The following LIPG variants were observed in gnomAD, a reference collection of about 807,000 sequenced individuals.
LIPG encodes the protein lipase G, endothelial type, also known as endothelial lipase.
A neutral mutation model predicts 51.8 loss-of-function variants in LIPG; 34 were observed. The observed-to-expected ratio is 0.66, with a 90% CI of 0.50 to 0.87. The LOEUF is 0.87. Ranked by LOEUF, LIPG falls within the 40% of genes least tolerant of loss-of-function variation. The pLI is 0.00. For synonymous variants in LIPG, 246 were observed against 246.1 expected (o/e 1.00, Z 0.00); for missense variants, 580 against 652.7 (o/e 0.89, Z 1.21).
At chr18:49,569,611 T>A in intron 4 of LIPG, 63 bp downstream of exon 4, 1 of 1,296,224 alleles carries the variant, frequency 7.7e-7, no homozygotes, top group Non-Finnish European at 1.1e-6. Context: ...TGCTCCCAAA[T>A]GAGGCAGCAG....
chr18:49,561,912 T>G (rs2084553643), upstream of LIPG: 1 of 1,332,040 alleles, frequency 7.5e-7, no homozygotes, highest in African/African-American at 1.5e-5. Flanking sequence ...GCGCTTTCAT[T>G]CAAACTTTCT....
intron 2 of LIPG, among the ~76,000 whole-genome samples, chr18:49,566,339 A>G (rs1332446248): frequency 6.6e-6 from 1 of 152,178 alleles, no homozygotes; most frequent in Non-Finnish European, 1.5e-5. Context: ...TCAGAATCAT[A>G]TGTGTGAATC....
In LIPG at chr18:49,576,457, C is replaced by CTTTTTTTTTTTTTTTTTTTTTTTTT. The variant is rs34597464; in HGVS notation, c.793+870_793+894dup. 9.7e-5 allele frequency among the ~76,000 whole-genome samples: 5 copies of CTTTTTTTTTTTTTTTTTTTTTTTTT among 51,546 alleles called. 1 individual carries two copies. The highest frequency in any genetic ancestry group is 1.7e-4 in the African/African-American group (2 of 11,792). The allele number at this position is 51,546 out of a possible 152,430, so 33.8% of individuals were successfully genotyped here. On this transcript the variant is annotated intron_variant, in intron 5 of 9. Transcript: ENST00000261292. ...TCTTTTTTTAAAAGACAGAATCTTG[C>CTTTTTTTTTTTTTTTTTTTTTTTTT]TTTTTTTTTTTTTTTTTTTTTTTTT...
intron 8 of LIPG, among the ~76,000 whole-genome samples, chr18:49,585,425 A>G (rs2084870710): frequency 1.3e-5 from 2 of 152,232 alleles, no homozygotes; most frequent in African/African-American, 4.8e-5. Flanking sequence ...TCTGAATTTT[A>G]CATGAGTGGA....
rs2084845946 is a variant in LIPG at position 49,583,469 on chromosome 18, G to A, written c.1158-87G>A. ...CACTGTCTCTCTCCTGTCTGTGTGG[G>A]GTTGTTACTGCCACTGTGTCACCCC... On this transcript the variant is annotated intron_variant, in intron 7 of 9. Transcript: ENST00000261292. 3.9e-6 allele frequency: 4 copies of A among 1,029,492 alleles called. No individual in the cohort carries two copies. The Admixed American group carries it at 5.1e-5, about 13-fold the overall frequency. The allele number at this position is 1,029,492 out of a possible 1,614,324, so 63.8% of individuals were successfully genotyped here.
rs577765735 is a variant in LIPG, at chr18:49,594,812, G to T, written c.*4290G>T. On this transcript the variant is annotated 3_prime_UTR_variant, in exon 10 of 10. Transcript: ENST00000261292. ...AAACCAGGCTTGATAATGGCTGTAG[G>T]GAGTTGGGTTAGACAATAAGAGATA... The T allele has an allele frequency of 6.6e-6, 1 of 152,208 alleles. No individual in the cohort carries two copies. Among genetic ancestry groups the T allele is most frequent in the East Asian group, 1.9e-4 (1 of 5,196 alleles). The allele number at this position is 152,208 out of a possible 1,614,324, so 9.4% of individuals were successfully genotyped here.
chr18:49,577,604 G>C (rs1403616459), intron 5 of LIPG, among the ~76,000 whole-genome samples: 1 of 148,100 alleles, frequency 6.8e-6, no homozygotes, highest in Non-Finnish European at 1.5e-5. Context: ...CCGGGCAGAG[G>C]CACCCCTCAC....
At chr18:49,579,782 T>TCCTTTCCTTTCCTCCCCTCCC (rs2084796562) in intron 5 of LIPG, among the ~76,000 whole-genome samples, 1 of 78,662 alleles carries the variant, frequency 1.3e-5, no homozygotes, top group African/African-American at 4.8e-5. Flanking sequence ...TCTTTTCTTT[T>TCCTTTCCTTTCCTCCCCTCCC]CTTTTCTTTT....
chr18:49,590,435 A>T, intron 9 of LIPG, 66 bp from the exon 10 acceptor site: 1 of 1,545,092 alleles, frequency 6.5e-7, no homozygotes, highest in South Asian at 1.2e-5. Context: ...GCACACCCTG[A>T]ATACAGGTTT....
Position 49,565,399 on chromosome 18 carries a change from G to T in LIPG, c.180G>T (p.Glu60Asp), listed in dbSNP as rs1363166032. The T allele has an allele frequency of 1.2e-6, 2 of 1,614,222 alleles. No individual in the cohort carries two copies. The highest frequency in any genetic ancestry group is 1.7e-6 in the Non-Finnish European group (2 of 1,180,032). The change falls in exon 2 of 10, where the codon GAG becomes GAT. Residue 60 changes from glutamate to aspartate, a missense_variant. By Grantham distance (45) the Glu-to-Asp change is conservative. Transcript: ENST00000261292. ...ACCTCCGCACCTCCAAGGACCCAGA[G>T]CATGAAGGATGCTACCTCTCCGTCG... ...RFNLRTSKDP[E>D]HEGCYLSVGH...
rs1478435288 is a variant in LIPG at position 49,581,670 on chromosome 18, C to A, written c.1036+13C>A. ...ATGCCTTTCAGAGGTAACCTTCAGTCCCTGGAGTGTCCCTGAGGAAGGCCC... is the reference window on the plus strand; with the variant it reads ...ATGCCTTTCAGAGGTAACCTTCAGTACCTGGAGTGTCCCTGAGGAAGGCCC... On this transcript the variant is annotated intron_variant, in intron 6 of 9. Coordinates refer to ENST00000261292, the MANE Select transcript of LIPG (RefSeq NM_006033.4). 8 of 1,611,864 alleles carry A rather than the reference C, an allele frequency of 5.0e-6. No homozygotes were observed. The highest frequency in any genetic ancestry group is 1.1e-5 in the South Asian group (1 of 91,056).
chr18:49,577,749 A>AC (rs565551054), intron 5 of LIPG, among the ~76,000 whole-genome samples: 2 of 63,798 alleles, frequency 3.1e-5, no homozygotes, highest in Admixed American at 2.6e-4. Flanking sequence ...GGGGGGGCTG[A>AC]CCCCCCCACC....
chr18:49,581,694 C>T, intron 6 of LIPG, 37 bp downstream of exon 6: 1 of 1,606,376 alleles, frequency 6.2e-7, no homozygotes, highest in Non-Finnish European at 8.5e-7. Context: ...TGAGGAAGGC[C>T]CTTAATACCT....
chr18:49,569,917 C>T (rs1430652998), intron 4 of LIPG, among the ~76,000 whole-genome samples: 1 of 152,150 alleles, frequency 6.6e-6, no homozygotes, highest in Admixed American at 6.6e-5. Flanking sequence ...GGTGAGGAAA[C>T]AAACACGGAG....
At chr18:49,582,504 C>T in intron 7 of LIPG, 22 bp downstream of exon 7, 1 of 1,614,142 alleles carries the variant, frequency 6.2e-7, no homozygotes, top group Non-Finnish European at 8.5e-7. Flanking sequence ...GTTTCCCTTG[C>T]TGGGTTCGGG....
At chr18:49,570,865 T>C (rs766520470) in intron 4 of LIPG, among the ~76,000 whole-genome samples, 1 of 152,168 alleles carries the variant, frequency 6.6e-6, no homozygotes, top group African/African-American at 2.4e-5. Context: ...AGAGAGTCCT[T>C]AGCTAAATAA....
intron 5 of LIPG, among the ~76,000 whole-genome samples, 170 bp downstream of exon 5, chr18:49,575,760 A>G (rs2084709393): frequency 1.3e-5 from 2 of 151,746 alleles, no homozygotes; most frequent in South Asian, 4.2e-4. Flanking sequence ...AGACTAACCA[A>G]CCCAGTGGTT....
intron 6 of LIPG, 158 bp downstream of exon 6, chr18:49,581,815 AGGGAATCTTT>A (rs1224500788): frequency 1.1e-6 from 1 of 923,044 alleles, no homozygotes; most frequent in Non-Finnish European, 1.7e-6. Flanking sequence ...GTCCTAGGAA[AGGGAATCTTT>A]ACAAAATAAA....
chr18:49,561,874 C>T (rs967772671), upstream of LIPG: 36 of 1,273,068 alleles, frequency 2.8e-5, no homozygotes, highest in East Asian at 9.7e-4. Flanking sequence ...CGGGGCCGAG[C>T]GTGCGGCGTC....
Sources: allele counts gnomAD v4.1 joint callset (sites outside exome capture counted in the v4.1 genomes callset), GRCh38; gene constraint gnomAD v4.1.1; transcripts MANE v1.5; gene names NCBI Gene and HGNC (gene_info 2026-07-23, HGNC 2026-07-21).